STX7: variants seen among roughly 807,000 people sequenced by gnomAD.
The protein encoded by STX7 is syntaxin-7.
Under a neutral mutation model 39.6 loss-of-function variants are expected in STX7, and 34 were observed. The ratio of observed to expected loss-of-function variants is 0.86; its 90% confidence interval spans 0.65 to 1.14. STX7 has a LOEUF of 1.14. Among genes scored for constraint, STX7 ranks in the 50% most tolerant of loss-of-function variants. STX7 has a pLI of 0.00. For missense variants in STX7, 284 were observed against 310.4 expected (o/e 0.92, Z 0.64); for synonymous variants, 119 against 99.1 (o/e 1.20, Z -1.19).
At position 132,456,051 on chromosome 6, in the gene STX7, G is replaced by A. The variant is rs1774235284; in HGVS notation, c.*4707C>T. 6.6e-6 allele frequency: 1 copy of A among 151,874 alleles called. No individual in the cohort carries two copies. The highest frequency in any genetic ancestry group is 6.6e-5 in the Admixed American group (1 of 15,246). The allele number at this position is 151,874 out of a possible 1,614,324, so 9.4% of individuals were successfully genotyped here. On this transcript the variant is annotated 3_prime_UTR_variant, in exon 10 of 10. Transcript: ENST00000367941. ...TGTCTAGTGCTTTGCCCTCTATTTG[G>A]GGCAGTAATTCTATACATATCCTGT...
At chr6:132,483,482 A>T (rs907394158) in intron 2 of STX7, among the ~76,000 whole-genome samples, 1 of 152,242 alleles carries the variant, frequency 6.6e-6, no homozygotes, top group Non-Finnish European at 1.5e-5. Context: ...ACATGCATGT[A>T]CACTGAGTTG....
intron 2 of STX7, among the ~76,000 whole-genome samples, chr6:132,486,664 G>GT (rs386408642): frequency 0.041 from 5,072 of 125,080 alleles, 155 homozygotes; most frequent in African/African-American, 0.061. Context: ...TTTTTTCTGG[G>GT]TTTTTTTTTT....
chr6:132,448,861 G>T lies in STX7; in HGVS notation c.*11897C>A, dbSNP rs1774079103. Reference sequence around the variant, plus strand: ...TCAAAAAAAAAAAAAAAAAAAAAAGGTCTGTCAATTCGTTATTCCTTTAAA... The same window carrying T: ...TCAAAAAAAAAAAAAAAAAAAAAAGTTCTGTCAATTCGTTATTCCTTTAAA... On this transcript the variant is annotated 3_prime_UTR_variant, in exon 10 of 10. Coordinates refer to ENST00000367941, the MANE Select transcript of STX7 (RefSeq NM_003569.3). 6.9e-6 allele frequency: 1 copy of T among 145,782 alleles called. No homozygotes were observed. The highest frequency in any genetic ancestry group is 2.2e-4 in the South Asian group (1 of 4,538). 9.0% of individuals were successfully genotyped at this position (145,782 alleles called of 1,614,324 possible).
chr6:132,483,165 C>T (rs916442025), intron 2 of STX7, among the ~76,000 whole-genome samples: 10 of 152,276 alleles, frequency 6.6e-5, no homozygotes, highest in African/African-American at 2.4e-4. Context: ...CTCCCTCCAT[C>T]CACCTCCCAA....
At chr6:132,510,755 A>G (rs1775826665) in intron 1 of STX7, among the ~76,000 whole-genome samples, 1 of 152,226 alleles carries the variant, frequency 6.6e-6, no homozygotes, top group Non-Finnish European at 1.5e-5. Flanking sequence ...AGATATACAA[A>G]CACTATAAAG....
At chr6:132,468,135 C>T (rs1440147489) in intron 8 of STX7, among the ~76,000 whole-genome samples, 5 of 152,158 alleles carry the variant, frequency 3.3e-5, no homozygotes, top group Middle Eastern at 3.2e-3. Context: ...TTCATGGTGC[C>T]TTCCATGGTC....
rs1775024538 is a variant in STX7, at chr6:132,481,930, C to T, written c.86-6268G>A. On this transcript the variant is annotated intron_variant, in intron 2 of 9. Transcript: ENST00000367941. ...GGACATTTCAGTTTGGAGATTCAAA[C>T]CTCTAATATCATACTCAGACCTACA... Among the ~76,000 whole-genome samples the T allele has an allele frequency of 4.0e-5, 6 of 151,784 alleles. No individual in the cohort carries two copies. In the South Asian group the frequency reaches 1.2e-3, roughly 32 times the overall value.
At chr6:132,469,380 G>T (rs1304155016) in intron 7 of STX7, among the ~76,000 whole-genome samples, 1 of 152,072 alleles carries the variant, frequency 6.6e-6, no homozygotes, top group African/African-American at 2.4e-5. Flanking sequence ...ATACTAAGGT[G>T]GTCCATAGAT....
At position 132,460,628 on chromosome 6, in the gene STX7, A is replaced by C; in HGVS notation, c.*130T>G. 1.5e-6 allele frequency: 1 copy of C among 649,210 alleles called. No individual in the cohort carries two copies. The highest frequency in any genetic ancestry group is 2.8e-5 in the South Asian group (1 of 35,096). 40.2% of individuals were successfully genotyped at this position (649,210 alleles called of 1,614,324 possible). On this transcript the variant is annotated 3_prime_UTR_variant, in exon 10 of 10. Coordinates refer to ENST00000367941, the MANE Select transcript of STX7 (RefSeq NM_003569.3). ...CAAAGGAACCACCCCAACCCCCCCA[A>C]TAAAAATAACAAAGTATGGGAACCA...
chr6:132,486,853 G>C (rs547763873), intron 2 of STX7, among the ~76,000 whole-genome samples: 1 of 151,942 alleles, frequency 6.6e-6, no homozygotes, highest in African/African-American at 2.4e-5. Context: ...TTTTAGTAGA[G>C]ACAGAGTTTC....
intron 4 of STX7, among the ~76,000 whole-genome samples, chr6:132,471,979 G>A (rs1160278748): frequency 2.0e-5 from 3 of 152,154 alleles, no homozygotes; most frequent in Non-Finnish European, 4.4e-5. Flanking sequence ...GAATGAGCCT[G>A]CATGTTCCAC....
intron 3 of STX7, among the ~76,000 whole-genome samples, chr6:132,473,550 C>G (rs1774794030): frequency 7.7e-6 from 1 of 129,456 alleles, no homozygotes; most frequent in African/African-American, 2.9e-5. Flanking sequence ...TATTTTTGAC[C>G]TGCAGTTGGT....
Position 132,460,795 on chromosome 6 carries a change from G to T in STX7, c.749C>A (p.Ala250Glu). Residue 250 changes from alanine (A) to glutamate (E), a missense_variant, in exon 10 of 10, where the codon GCG becomes GAG. By Grantham distance (107) the Ala-to-Glu change is moderately radical (BLOSUM62 -1). Coordinates refer to ENST00000367941, the MANE Select transcript of STX7 (RefSeq NM_003569.3). Reference sequence around the variant, plus strand: ...TCCCCATATGATGAGACTGATAATCGCAACTCCAATGACAAGGATAAGAAT... The same window carrying T: ...TCCCCATATGATGAGACTGATAATCTCAACTCCAATGACAAGGATAAGAAT... The part of the protein sequence containing the change: ...IIILILVIGV[A>E]IISLIIWGLN... The T allele has an allele frequency of 6.2e-7, 1 of 1,613,396 alleles. No homozygotes were observed. The highest frequency in any genetic ancestry group is 8.5e-7 in the Non-Finnish European group (1 of 1,179,716).
rs534160710 is a variant in STX7 at position 132,479,854 on chromosome 6, C to G, written c.86-4192G>C. On this transcript the variant is annotated intron_variant, in intron 2 of 9. Coordinates refer to ENST00000367941, the MANE Select transcript of STX7 (RefSeq NM_003569.3). Reference sequence around the variant, plus strand: ...CATACGCTCTACAGAGATGATTTTACCCATTTTATTTTCTATGGCTAATTA... The same window carrying G: ...CATACGCTCTACAGAGATGATTTTAGCCATTTTATTTTCTATGGCTAATTA... 9.8e-5 allele frequency among the ~76,000 whole-genome samples: 15 copies of G among 152,290 alleles called. No individual in the cohort carries two copies. The East Asian group carries it at 2.9e-3, about 29-fold the overall frequency.
chr6:132,484,791 T>G lies in STX7; in HGVS notation c.86-9129A>C, dbSNP rs78246170. On this transcript the variant is annotated intron_variant, in intron 2 of 9. Coordinates refer to ENST00000367941, the MANE Select transcript of STX7 (RefSeq NM_003569.3). The stretch of plus-strand genomic sequence containing the variant: ...AGTTGGAGCCAGACAGCCTGATATC[T>G]CACTTCTTCCTGGCTGCTGACCCTG... Among the ~76,000 whole-genome samples the G allele has an allele frequency of 4.4e-3, 668 of 152,282 alleles. 9 individuals are homozygous for G. Among genetic ancestry groups the G allele is most frequent in the African/African-American group, 0.015 (624 of 41,566 alleles).
chr6:132,475,687 T>C, intron 2 of STX7, 25 bp from the exon 3 acceptor site: 2 of 1,532,320 alleles, frequency 1.3e-6, no homozygotes, highest in South Asian at 2.4e-5. Context: ...AATTCATGTA[T>C]TAATTGTCAC....
intron 1 of STX7, among the ~76,000 whole-genome samples, chr6:132,505,905 T>C (rs1775695758): frequency 6.6e-6 from 1 of 151,658 alleles, no homozygotes; most frequent in African/African-American, 2.4e-5. Flanking sequence ...CATAGAACAA[T>C]GGAATGGAAT....
intron 7 of STX7, among the ~76,000 whole-genome samples, chr6:132,468,762 G>A (rs1177197084): frequency 6.6e-6 from 1 of 152,182 alleles, no homozygotes; most frequent in Non-Finnish European, 1.5e-5. Flanking sequence ...TAATAGAGAA[G>A]AGCCATGGAT....
chr6:132,472,150 A>AT, intron 4 of STX7, 132 bp downstream of exon 4: 1 of 697,004 alleles, frequency 1.4e-6, no homozygotes, highest in South Asian at 2.3e-5. Context: ...CTGTGAACTA[A>AT]TCTCAAACAG....
Sources: allele counts gnomAD v4.1 joint callset (sites outside exome capture counted in the v4.1 genomes callset), GRCh38; gene constraint gnomAD v4.1.1; transcripts MANE v1.5; gene names NCBI Gene and HGNC (gene_info 2026-07-23, HGNC 2026-07-21).